Variants in PRIM2 observed in about 807,000 individuals in gnomAD.
PRIM2 encodes DNA primase subunit 2, also known as DNA primase large subunit.
Under a neutral mutation model 67.3 loss-of-function variants are expected in PRIM2, and 39 were observed. The ratio of observed to expected loss-of-function variants is 0.58; its 90% CI spans 0.45 to 0.76. PRIM2 has a LOEUF of 0.76. Ranked by LOEUF, PRIM2 falls within the 30% of genes least tolerant of loss-of-function variation. PRIM2 has a pLI of 0.00. For missense variants in PRIM2, 398 were observed against 598.7 expected (o/e 0.66, Z 3.50); for synonymous variants, 143 against 198.7 (o/e 0.72, Z 2.36).
At chr6:57,279,547 G>A in the PRIM2 span, among the ~76,000 whole-genome samples, 4 of 152,268 alleles carry the variant, frequency 2.6e-5, no homozygotes, top group South Asian at 8.3e-4. Flanking sequence ...CTGTTTTGGA[G>A]AACTATATGA....
chr6:57,400,298 G>A (rs956944107), intron 7 of PRIM2, among the ~76,000 whole-genome samples: 18 of 152,118 alleles, frequency 1.2e-4, no homozygotes. Flanking sequence ...GCAGGCTGGT[G>A]GTAATTAACT....
chr6:57,453,753 C>G (rs1240033674), intron 7 of PRIM2, among the ~76,000 whole-genome samples: 2 of 152,194 alleles, frequency 1.3e-5, no homozygotes, highest in African/African-American at 4.8e-5. Context: ...TTGACTTCCT[C>G]TTTTCCTAAT....
At chr6:57,518,366 CTA>C (rs1397235741) in intron 8 of PRIM2, among the ~76,000 whole-genome samples, 1 of 152,210 alleles carries the variant, frequency 6.6e-6, no homozygotes, top group African/African-American at 2.4e-5. Context: ...TATTTTCTCA[CTA>C]TGTTATGTTT....
chr6:57,462,341 G>T (rs1390053177), intron 7 of PRIM2, among the ~76,000 whole-genome samples: 1 of 150,058 alleles, frequency 6.7e-6, no homozygotes, highest in Non-Finnish European at 1.5e-5. Flanking sequence ...TCAGTTTTAT[G>T]CATTTGAATA....
chr6:57,614,718 C>T lies in PRIM2; in HGVS notation c.1230+8261C>T, dbSNP rs1171240805. Among the ~76,000 whole-genome samples the T allele has an allele frequency of 2.3e-4, 35 of 151,810 alleles. No homozygotes were observed. In the Middle Eastern group the frequency reaches 0.01, roughly 44 times the overall value. On this transcript the variant is annotated intron_variant, in intron 12 of 13. Transcript: ENST00000615550. ...ACAAAAAATTAGCCGGGCGTGCTAG[C>T]GGGCGCCTGTAGTCCCAGCTACTTG... is the stretch of plus-strand genomic sequence containing the variant.
At chr6:57,287,212 G>T in the PRIM2 span, among the ~76,000 whole-genome samples, 2 of 152,154 alleles carry the variant, frequency 1.3e-5, no homozygotes, top group African/African-American at 4.8e-5. Context: ...ATTCCTGAAG[G>T]ATCTAGAACT....
chr6:57,270,726 C>T, the PRIM2 span, among the ~76,000 whole-genome samples: 7 of 152,132 alleles, frequency 4.6e-5, no homozygotes, highest in Middle Eastern at 3.4e-3. Context: ...GGGAATGCTT[C>T]CAGTTTTTCT....
intron 5 of PRIM2, among the ~76,000 whole-genome samples, chr6:57,336,086 A>T (rs1018508040): frequency 2.0e-5 from 3 of 152,216 alleles, no homozygotes; most frequent in Non-Finnish European, 4.4e-5. Context: ...AGCCGATGCG[A>T]TCAACTGGAA....
chr6:57,460,463 G>A (rs1772967408), intron 7 of PRIM2, among the ~76,000 whole-genome samples: 1 of 152,050 alleles, frequency 6.6e-6, no homozygotes, highest in Admixed American at 6.5e-5. Context: ...CCATCAAAAG[G>A]ATATTATTCT....
intron 7 of PRIM2, among the ~76,000 whole-genome samples, chr6:57,448,354 G>C (rs1242541872): frequency 6.6e-6 from 1 of 152,126 alleles, no homozygotes; most frequent in Non-Finnish European, 1.5e-5. Flanking sequence ...TTGAGGGTGA[G>C]AGTAGGATTG....
chr6:57,615,243 C>T (rs1220310295), intron 12 of PRIM2, among the ~76,000 whole-genome samples: 1 of 151,272 alleles, frequency 6.6e-6, no homozygotes, highest in Admixed American at 6.6e-5. Context: ...CTTGGCAAAA[C>T]CCAGTCTCTA....
the PRIM2 span, among the ~76,000 whole-genome samples, chr6:57,250,420 G>A: frequency 6.6e-6 from 1 of 152,076 alleles, no homozygotes; most frequent in Admixed American, 6.6e-5. Flanking sequence ...GGAAAAAATT[G>A]ACTTCAAATA....
At chr6:57,383,108 T>C (rs1224372306) in intron 7 of PRIM2, 1 of 152,184 alleles carries the variant, frequency 6.6e-6, no homozygotes, top group African/African-American at 2.4e-5. Context: ...CTGTTATTTC[T>C]TTATCCTCAT....
At chr6:57,439,385 C>CT (rs1430636094) in intron 7 of PRIM2, among the ~76,000 whole-genome samples, 1 of 131,632 alleles carries the variant, frequency 7.6e-6, no homozygotes, top group East Asian at 2.3e-4. Context: ...CTGTCATGAG[C>CT]TTTGAGTAGA....
chr6:57,482,228 G>A (rs1399809688), intron 7 of PRIM2, among the ~76,000 whole-genome samples: 2 of 151,884 alleles, frequency 1.3e-5, no homozygotes, highest in South Asian at 4.2e-4. Context: ...TTTGAGTGCA[G>A]ATAGGTTGTT....
intron 8 of PRIM2, among the ~76,000 whole-genome samples, chr6:57,522,827 C>T (rs1186095424): frequency 3.3e-5 from 5 of 152,158 alleles, no homozygotes; most frequent in Admixed American, 6.5e-5. Flanking sequence ...TACTATATAA[C>T]AGTAAAGCTT....
At chr6:57,529,402 T>C (rs1774838782) in intron 8 of PRIM2, among the ~76,000 whole-genome samples, 2 of 152,176 alleles carry the variant, frequency 1.3e-5, no homozygotes, top group Non-Finnish European at 2.9e-5. Flanking sequence ...TTTGCTCTAC[T>C]GTAAGACATG....
intron 7 of PRIM2, among the ~76,000 whole-genome samples, chr6:57,401,289 CTTCTT>C (rs1179674174): frequency 6.6e-6 from 1 of 151,650 alleles, no homozygotes; most frequent in East Asian, 2.0e-4. Flanking sequence ...AGTCAATAGA[CTTCTT>C]TTCTTGTGTT....
At chr6:57,512,533 T>C (rs1774392579) in intron 8 of PRIM2, among the ~76,000 whole-genome samples, 2 of 152,176 alleles carry the variant, frequency 1.3e-5, no homozygotes, top group Non-Finnish European at 1.5e-5. Flanking sequence ...TCATAATCCC[T>C]ATTTTACAGG....
Sources: gnomAD v4.1 joint callset for allele counts (sites outside exome capture counted in the v4.1 genomes callset) on GRCh38, gnomAD v4.1.1 for gene constraint, MANE v1.5 for transcripts, NCBI Gene and HGNC (gene_info 2026-07-23, HGNC 2026-07-21) for gene names.